Variants in GRID2 observed in about 807,000 individuals in gnomAD.
GRID2 encodes glutamate receptor ionotropic, delta-2.
A neutral mutation model predicts 114.8 loss-of-function variants in GRID2; 33 were observed. The observed-to-expected ratio is 0.29, with a 90% CI of 0.22 to 0.38. The LOEUF (loss-of-function observed/expected upper bound fraction) is 0.38. Ranked by LOEUF, GRID2 falls within the 10% of genes least tolerant of loss-of-function variation. The probability of loss-of-function intolerance (pLI) is 1.00; values close to 1 mark genes in which losing one functional copy is unlikely to be tolerated. For missense variants in GRID2, 1,184 were observed against 1,257.7 expected (o/e 0.94, Z 0.89); for synonymous variants, 505 against 449.9 (o/e 1.12, Z -1.55).
At chr4:93,304,438 C>G (rs1006768713) in intron 8 of GRID2, among the ~76,000 whole-genome samples, 34 of 151,698 alleles carry the variant, frequency 2.2e-4, no homozygotes, top group African/African-American at 7.0e-4. Context: ...TTTTTTCCCC[C>G]CTTAGGAAAA....
intron 13 of GRID2, among the ~76,000 whole-genome samples, chr4:93,519,586 G>A (rs745845566): frequency 6.6e-5 from 10 of 152,150 alleles, no homozygotes; most frequent in Non-Finnish European, 1.5e-4. Flanking sequence ...TGATTATTAT[G>A]AGGGCCATAT....
intron 4 of GRID2, among the ~76,000 whole-genome samples, chr4:93,130,480 T>A (rs1189145698): frequency 1.3e-5 from 2 of 152,160 alleles, no homozygotes; most frequent in African/African-American, 2.4e-5. Context: ...CTGAATTAAA[T>A]AATTACTTTA....
intron 8 of GRID2, among the ~76,000 whole-genome samples, chr4:93,379,336 A>G (rs1763646838): frequency 6.6e-6 from 1 of 152,024 alleles, no homozygotes; most frequent in South Asian, 2.1e-4. Flanking sequence ...TTTTTTGAAA[A>G]TATTTGAGGA....
chr4:92,742,545 T>C (rs1284399716), intron 2 of GRID2, among the ~76,000 whole-genome samples: 1 of 152,174 alleles, frequency 6.6e-6, no homozygotes, highest in Non-Finnish European at 1.5e-5. Flanking sequence ...GAAATGCTGT[T>C]CTTTAAGTTC....
intron 1 of GRID2, among the ~76,000 whole-genome samples, chr4:93,791,432 A>C (rs1410980412): frequency 6.6e-6 from 1 of 152,192 alleles, no homozygotes; most frequent in African/African-American, 2.4e-5. Context: ...AAAATTAGTA[A>C]GGCAGGTCTA....
intron 2 of GRID2, among the ~76,000 whole-genome samples, chr4:92,966,693 T>C (rs1321501038): frequency 2.0e-5 from 3 of 151,886 alleles, no homozygotes; most frequent in Non-Finnish European, 4.4e-5. Context: ...TCTTTTTCTT[T>C]CTTCACCTTT....
chr4:92,827,003 A>G (rs529288406), intron 2 of GRID2, among the ~76,000 whole-genome samples: 23 of 152,160 alleles, frequency 1.5e-4, no homozygotes, highest in African/African-American at 5.5e-4. Flanking sequence ...ATGTTTCATC[A>G]AAAATATCCA....
chr4:93,030,840 A>C (rs1305085094), intron 2 of GRID2, among the ~76,000 whole-genome samples: 1 of 151,778 alleles, frequency 6.6e-6, no homozygotes, highest in African/African-American at 2.4e-5. Context: ...GAGAGAGGAG[A>C]AGAGTGGTGA....
chr4:93,691,508 C>G (rs1726560887), intron 14 of GRID2, among the ~76,000 whole-genome samples: 1 of 151,980 alleles, frequency 6.6e-6, no homozygotes, highest in East Asian at 1.9e-4. Context: ...CAAATCTCAA[C>G]TTTGCTGTTT....
intron 14 of GRID2, among the ~76,000 whole-genome samples, chr4:93,712,983 C>T: frequency 6.6e-6 from 1 of 152,112 alleles, no homozygotes; most frequent in East Asian, 1.9e-4. Context: ...CTACCTCCCA[C>T]CTGGCCAATT....
intron 4 of GRID2, among the ~76,000 whole-genome samples, chr4:93,138,792 A>T (rs1202206019): frequency 6.6e-6 from 1 of 152,180 alleles, no homozygotes; most frequent in African/African-American, 2.4e-5. Flanking sequence ...CTGAAGTCTA[A>T]CTTCCCTTCA....
At chr4:93,700,823 G>GGATT (rs1578606141) in intron 14 of GRID2, among the ~76,000 whole-genome samples, 2 of 152,142 alleles carry the variant, frequency 1.3e-5, no homozygotes, top group East Asian at 3.9e-4. Flanking sequence ...GTTTGGAAGG[G>GGATT]GATTGCACGT....
In GRID2 at chr4:93,110,956, A is replaced by G. The variant is rs772750112; in HGVS notation, c.735+3A>G. ...CAGCCAAATCCTTCATTACTGAGGT[A>G]AGTGAAAATTGTCTTGGGGTGAGAG... On this transcript the variant is annotated splice_donor_region_variant and intron_variant, in intron 4 of 15. Transcript: ENST00000282020. 1 of 1,588,950 alleles carries G rather than the reference A, an allele frequency of 6.3e-7. No individual in the cohort carries two copies. The highest frequency in any genetic ancestry group is 8.6e-7 in the Non-Finnish European group (1 of 1,157,048).
At chr4:93,037,615 T>G (rs1725047096) in intron 2 of GRID2, among the ~76,000 whole-genome samples, 1 of 152,230 alleles carries the variant, frequency 6.6e-6, no homozygotes, top group African/African-American at 2.4e-5. Context: ...TTAATTTTTG[T>G]ATAAAGTGTA....
chr4:93,079,134 A>G (rs1487979363), intron 2 of GRID2, among the ~76,000 whole-genome samples: 1 of 151,574 alleles, frequency 6.6e-6, no homozygotes, highest in Non-Finnish European at 1.5e-5. Flanking sequence ...TTAAACTCCA[A>G]ACAAAATAAA....
At chr4:92,672,159 T>G (rs1214794222) in intron 2 of GRID2, among the ~76,000 whole-genome samples, 2 of 152,134 alleles carry the variant, frequency 1.3e-5, no homozygotes, top group Admixed American at 1.3e-4. Flanking sequence ...TATAGTATAT[T>G]TCCATGTGTC....
chr4:92,867,582 A>AT (rs34222173), intron 2 of GRID2, among the ~76,000 whole-genome samples: 2,524 of 143,546 alleles, frequency 0.018, 22 homozygotes, highest in South Asian at 0.03. Flanking sequence ...CTGTACTATT[A>AT]TTTTTTTTTT....
At chr4:93,516,994 G>A (rs1414559427) in intron 13 of GRID2, among the ~76,000 whole-genome samples, 1 of 151,902 alleles carries the variant, frequency 6.6e-6, no homozygotes, top group Non-Finnish European at 1.5e-5. Context: ...GTGTTAATGG[G>A]CACATCAATC....
At chr4:93,231,390 C>CAA (rs34267723) in intron 7 of GRID2, among the ~76,000 whole-genome samples, 55,112 of 103,964 alleles carry the variant, frequency 0.53, 12,787 homozygotes, top group Middle Eastern at 0.73. Flanking sequence ...CACCCCCTGC[C>CAA]AAAAAAAAAA....
Sources: gnomAD v4.1 joint callset for allele counts (sites outside exome capture counted in the v4.1 genomes callset) on GRCh38, gnomAD v4.1.1 for gene constraint, MANE v1.5 for transcripts, NCBI Gene and HGNC (gene_info 2026-07-23, HGNC 2026-07-21) for gene names.